Variants in SRRM1 observed in about 807,000 individuals in gnomAD.
The protein encoded by SRRM1 is serine and arginine repetitive matrix 1, also known as serine/arginine repetitive matrix protein 1.
SRRM1 carries 19 observed loss-of-function variants against 110.2 expected under a neutral mutation model. The ratio of observed to expected loss-of-function variants is 0.17; its 90% CI spans 0.12 to 0.25. The LOEUF is 0.25. Ranked by LOEUF, SRRM1 falls within the 10% of genes least tolerant of loss-of-function variation. The pLI is 1.00. For missense variants in SRRM1, 918 were observed against 1,145.8 expected (o/e 0.80, Z 2.87); for synonymous variants, 443 against 414.9 (o/e 1.07, Z -0.82).
intron 12 of SRRM1, chr1:24,666,406 G>A (rs181978278): frequency 1.6e-3 from 260 of 164,604 alleles, no homozygotes; most frequent in Non-Finnish European, 1.7e-3. Context: ...CTGCCCTTGG[G>A]GTTAATGATA....
At chr1:24,661,427 C>A (rs780389168) in intron 11 of SRRM1, 31 bp downstream of exon 11, 5 of 1,501,910 alleles carry the variant, frequency 3.3e-6, no homozygotes, top group Non-Finnish European at 4.6e-6. Flanking sequence ...TTTTTTTCTA[C>A]CTGTATTTCC....
chr1:24,657,560 C>T (rs1402481207), intron 9 of SRRM1, among the ~76,000 whole-genome samples: 1 of 152,128 alleles, frequency 6.6e-6, no homozygotes, highest in Non-Finnish European at 1.5e-5. Context: ...AATATTTTCC[C>T]TAGTGGCCAC....
intron 15 of SRRM1, 130 bp downstream of exon 15, chr1:24,670,445 C>A: frequency 1.1e-6 from 1 of 943,814 alleles, no homozygotes; most frequent in Non-Finnish European, 1.6e-6. Flanking sequence ...AGTTATACAT[C>A]TGATCTTGGG....
chr1:24,664,288 G>A (rs1668779268), intron 12 of SRRM1, among the ~76,000 whole-genome samples: 1 of 152,142 alleles, frequency 6.6e-6, no homozygotes, highest in Admixed American at 6.5e-5. Context: ...GAGCCACTGG[G>A]CCCGACCTGC....
intron 9 of SRRM1, among the ~76,000 whole-genome samples, chr1:24,657,355 A>G (rs1398783030): frequency 6.6e-6 from 1 of 152,262 alleles, no homozygotes; most frequent in Non-Finnish European, 1.5e-5. Context: ...TTGAGTTGTC[A>G]TTCCCAGTTA....
chr1:24,655,052 A>G lies in SRRM1; in HGVS notation c.1238A>G (p.His413Arg), dbSNP rs150445985. 4 of 1,614,064 alleles carry G rather than the reference A, an allele frequency of 2.5e-6. No homozygotes were observed. The African/African-American group carries it at 5.3e-5, about 22-fold the overall frequency. Residue 413 changes from histidine (H) to arginine (R), a missense_variant, in exon 9 of 17, where the codon CAT (histidine) becomes CGT (arginine). Transcript: ENST00000323848. ...GCAACTCCACCACCCAAAACTCGGC[A>G]TTCCCCTACACCCCAGCAGTCAAAC... ...PPATPPPKTRHSPTPQQSNRT... is the reference protein window; with the variant it reads ...PPATPPPKTRRSPTPQQSNRT...
In SRRM1 at chr1:24,670,245, C is replaced by T. The variant is rs200102436; in HGVS notation, c.2330C>T (p.Ser777Phe). Residue 777 changes from serine (S) to phenylalanine (F), a missense_variant, in exon 15 of 17, where the codon TCT (serine) becomes TTT (phenylalanine). Around this residue, in one of 5 missense-constraint regions of SRRM1, gnomAD observed 357 missense variants for 402.9 expected, o/e 0.89. Transcript: ENST00000323848. The part of the protein sequence containing the change: ...PPSPVQSQSP[S>F]TNWSPAVPVK... ...TCCCCCGTCCAGTCTCAGTCACCGT[C>T]TACAAACTGGTCACCAGCTGTACCG... 6.2e-7 allele frequency: 1 copy of T among 1,614,164 alleles called. No individual in the cohort carries two copies. Among genetic ancestry groups the T allele is most frequent in the African/African-American group, 1.3e-5 (1 of 75,052 alleles).
intron 13 of SRRM1, 130 bp from the exon 14 acceptor site, chr1:24,668,993 G>A (rs1671421693): frequency 7.2e-6 from 5 of 690,064 alleles, no homozygotes; most frequent in Non-Finnish European, 1.2e-5. Context: ...TATAAAGATA[G>A]CATGTTCACT....
At chr1:24,665,151 G>A (rs896156953) in intron 12 of SRRM1, among the ~76,000 whole-genome samples, 17 of 152,120 alleles carry the variant, frequency 1.1e-4, no homozygotes, top group African/African-American at 3.1e-4. Flanking sequence ...TAGAGGCCGG[G>A]TGCGGTGGCT....
At position 24,653,031 on chromosome 1, in the gene SRRM1, C is replaced by T; in HGVS notation, c.1039C>T (p.Arg347Ter). ...TAGAAGGAGTAGATCTCCAGTAAGACGGTAAGATTTTTTAAATTTGGAAGT... is the reference window on the plus strand; with the variant it reads ...TAGAAGGAGTAGATCTCCAGTAAGATGGTAAGATTTTTTAAATTTGGAAGT... ...RHRRSRSPVR[R>*]RRRSSASLSG... The change falls in exon 8 of 17, where the codon CGA becomes TGA. Residue 347 changes from arginine (R) to a stop codon, truncating the protein, a stop_gained and splice_region_variant. Coordinates refer to ENST00000323848, the MANE Select transcript of SRRM1 (RefSeq NM_005839.4). LOFTEE classifies it high-confidence loss of function. The T allele has an allele frequency of 6.2e-7, 1 of 1,610,112 alleles. No homozygotes were observed. The highest frequency in any genetic ancestry group is 8.5e-7 in the Non-Finnish European group (1 of 1,178,438).
At chr1:24,661,160 G>C (rs1052697373) in intron 10 of SRRM1, 150 bp from the exon 11 acceptor site, 74 of 580,610 alleles carry the variant, frequency 1.3e-4, no homozygotes, top group Non-Finnish European at 1.8e-4. Context: ...CCTGTGAATT[G>C]GCATTTTAAA....
chr1:24,651,299 C>G, intron 5 of SRRM1, 110 bp from the exon 6 acceptor site: 1 of 829,654 alleles, frequency 1.2e-6, no homozygotes, highest in Non-Finnish European at 1.9e-6. Context: ...AGGGAAACAT[C>G]TCAGATATAA....
intron 6 of SRRM1, among the ~76,000 whole-genome samples, chr1:24,652,060 A>ATG (rs1661210789): frequency 7.4e-6 from 1 of 135,156 alleles, no homozygotes; most frequent in South Asian, 2.4e-4. Context: ...ATATATATAT[A>ATG]TATGTACACA....
At chr1:24,643,646 C>A in intron 1 of SRRM1, 1 of 380,898 alleles carries the variant, frequency 2.6e-6, no homozygotes, top group Non-Finnish European at 4.7e-6. Context: ...GGCCTGCAGG[C>A]CGAGCGCCGT....
chr1:24,650,116 T>G (rs1449328389), intron 5 of SRRM1, 30 bp downstream of exon 5: 1 of 1,496,684 alleles, frequency 6.7e-7, no homozygotes, highest in Non-Finnish European at 8.9e-7. Flanking sequence ...TAACTGATGT[T>G]TTACAGGTAC....
At chr1:24,668,665 C>T (rs1217617455) in intron 13 of SRRM1, among the ~76,000 whole-genome samples, 2 of 152,142 alleles carry the variant, frequency 1.3e-5, no homozygotes, top group Non-Finnish European at 2.9e-5. Flanking sequence ...TGTCCAAATG[C>T]TCATTCAGAG....
At chr1:24,663,982 GCT>G (rs1557722870) in intron 12 of SRRM1, among the ~76,000 whole-genome samples, 1 of 141,552 alleles carries the variant, frequency 7.1e-6, no homozygotes, top group African/African-American at 2.8e-5. Context: ...GGGTTGCATA[GCT>G]CTCTTTTTTT....
chr1:24,653,032 G>A lies in SRRM1; in HGVS notation c.1040G>A (p.Arg347Gln), dbSNP rs1308941864. 1.2e-6 allele frequency: 2 copies of A among 1,608,114 alleles called. No homozygotes were observed. The highest frequency in any genetic ancestry group is 1.7e-6 in the Non-Finnish European group (2 of 1,177,580). Residue 347 changes from arginine to glutamine, a missense_variant and splice_region_variant, in exon 8 of 17, where the codon CGA (arginine) becomes CAA (glutamine). Arg to Gln is a conservative substitution (Grantham distance 43). Coordinates refer to ENST00000323848, the MANE Select transcript of SRRM1 (RefSeq NM_005839.4). Reference protein sequence around the residue: ...RHRRSRSPVRRRRRSSASLSG... With the variant: ...RHRRSRSPVRQRRRSSASLSG... The stretch of plus-strand genomic sequence containing the variant: ...AGAAGGAGTAGATCTCCAGTAAGAC[G>A]GTAAGATTTTTTAAATTTGGAAGTG...
intron 12 of SRRM1, among the ~76,000 whole-genome samples, chr1:24,663,747 C>T (rs956444382): frequency 2.6e-5 from 4 of 151,662 alleles, no homozygotes; most frequent in Admixed American, 1.3e-4. Context: ...AGTGTTGGCG[C>T]GTGCCTGTAA....
Sources: gnomAD v4.1 joint callset for allele counts (sites outside exome capture counted in the v4.1 genomes callset) on GRCh38, gnomAD v4.1.1 for gene constraint, gnomAD v4.1.1 regional missense constraint, MANE v1.5 for transcripts, NCBI Gene and HGNC (gene_info 2026-07-23, HGNC 2026-07-21) for gene names.